Variants in MYO10 observed in about 807,000 individuals in gnomAD.
The protein encoded by MYO10 is unconventional myosin-X.
Under a neutral mutation model 257.3 loss-of-function variants are expected in MYO10, and 133 were observed. The observed-to-expected ratio is 0.52, with a 90% CI of 0.45 to 0.60. The LOEUF is 0.60. Ranked by LOEUF, MYO10 falls within the 20% of genes least tolerant of loss-of-function variation. The pLI, the probability that MYO10 is intolerant of heterozygous loss-of-function variation, is 0.00. For missense variants in MYO10, 2,399 were observed against 2,635.7 expected (o/e 0.91, Z 1.97); for synonymous variants, 1,104 against 1,028.6 (o/e 1.07, Z -1.40).
chr5:16,666,435 T>G lies in MYO10; in HGVS notation c.*257A>C, dbSNP rs140646712. The G allele has an allele frequency of 2.0e-3, 776 of 390,826 alleles. 6 individuals are homozygous for G. The highest frequency in any genetic ancestry group is 0.012 in the African/African-American group (586 of 48,070). The allele number at this position is 390,826 out of a possible 1,614,324, so 24.2% of individuals were successfully genotyped here. ...TTTGGTGGCAGCGTGGTTCCTCCCCTCCTTTTTTAAGGCATGTGTCCTCTA... is the reference window on the plus strand; with the variant it reads ...TTTGGTGGCAGCGTGGTTCCTCCCCGCCTTTTTTAAGGCATGTGTCCTCTA... On this transcript the variant is annotated 3_prime_UTR_variant, in exon 41 of 41. Transcript: ENST00000513610.
chr5:16,890,110 C>T (rs1382010855), intron 1 of MYO10, among the ~76,000 whole-genome samples: 2 of 151,830 alleles, frequency 1.3e-5, no homozygotes, highest in South Asian at 2.1e-4. Flanking sequence ...CTGTTTCATA[C>T]ATATTAATTA....
At position 16,670,894 on chromosome 5, in the gene MYO10, G is replaced by A; in HGVS notation, c.5515C>T (p.Gln1839Ter). 1 of 1,613,932 alleles carries A rather than the reference G, an allele frequency of 6.2e-7. No individual in the cohort carries two copies. The highest frequency in any genetic ancestry group is 8.5e-7 in the Non-Finnish European group (1 of 1,179,874). Residue 1839 changes from glutamine to a stop codon, truncating the protein, a stop_gained, in exon 39 of 41, where the codon CAG (glutamine) becomes TAG (stop). Transcript: ENST00000513610. LOFTEE classifies it high-confidence loss of function. ...VLAALRLQYL[Q>*]GDYTLHAAIP... ...GCAGCGTGCAGAGTATAATCCCCCT[G>A]CAGATACTGGAGTCGCAGGGCAGCA... is the stretch of plus-strand genomic sequence containing the variant.
rs1738013033 is a variant in MYO10 at position 16,700,873 on chromosome 5, C to T, written c.3432+90G>A. ...ACTCTGCAATCTTTGCACAGATATC[C>T]TACGGGTATCTTCATTCAACTTGAG... is the stretch of plus-strand genomic sequence containing the variant. On this transcript the variant is annotated intron_variant, in intron 25 of 40. Coordinates refer to ENST00000513610, the MANE Select transcript of MYO10 (RefSeq NM_012334.3). The T allele has an allele frequency of 2.9e-6, 4 of 1,387,090 alleles. No individual in the cohort carries two copies. The Admixed American group carries it at 1.0e-4, about 36-fold the overall frequency. 85.9% of individuals were successfully genotyped at this position (1,387,090 alleles called of 1,614,324 possible).
chr5:16,769,811 T>C (rs1281981830), intron 9 of MYO10, among the ~76,000 whole-genome samples: 1 of 152,176 alleles, frequency 6.6e-6, no homozygotes, highest in African/African-American at 2.4e-5. Context: ...GTCACAGTCA[T>C]GACAACAATA....
intron 26 of MYO10, among the ~76,000 whole-genome samples, chr5:16,698,986 C>T (rs1212167888): frequency 3.9e-5 from 6 of 152,126 alleles, no homozygotes; most frequent in African/African-American, 1.4e-4. Flanking sequence ...GCAACACACA[C>T]ATTGGTTTGT....
rs762004875 is a variant in MYO10 at position 16,680,061 on chromosome 5, C to T, written c.4428G>A (p.Arg1476=). 2.5e-6 allele frequency: 4 copies of T among 1,613,754 alleles called. No homozygotes were observed. In the Admixed American group the frequency reaches 6.7e-5, roughly 27 times the overall value. ...VTVYGRKHCY[R]LYTKLLNEAT... is the part of the protein sequence containing the mutation. ...CCTCGTTGAGCAGCTTGGTGTAGAG[C>T]CGGTAACAGTGCTTGCGCCCGTACA... The change falls in exon 33 of 41, where the codon CGG becomes CGA. Residue 1476 remains arginine (R), a synonymous_variant. Coordinates refer to ENST00000513610, the MANE Select transcript of MYO10 (RefSeq NM_012334.3).
At chr5:16,833,426 C>T (rs1438547276) in intron 2 of MYO10, among the ~76,000 whole-genome samples, 1 of 152,138 alleles carries the variant, frequency 6.6e-6, no homozygotes. Context: ...GTTGGCCAGG[C>T]TGGTCTCGAA....
At chr5:16,889,470 GA>G in intron 1 of MYO10, among the ~76,000 whole-genome samples, 1 of 137,198 alleles carries the variant, frequency 7.3e-6, no homozygotes, top group Non-Finnish European at 1.6e-5. Flanking sequence ...GGGAAGGGAA[GA>G]AAAGAAAGAA....
In MYO10 at chr5:16,665,932, G is replaced by A. The variant is rs1172189117; in HGVS notation, c.*760C>T. On this transcript the variant is annotated 3_prime_UTR_variant, in exon 41 of 41. Coordinates refer to ENST00000513610, the MANE Select transcript of MYO10 (RefSeq NM_012334.3). ...ATACAGCAAAGACAGGAAAATCCAGGATTTGGGTTTGTTAATAAAACCACC... is the reference window on the plus strand; with the variant it reads ...ATACAGCAAAGACAGGAAAATCCAGAATTTGGGTTTGTTAATAAAACCACC... 1 of 152,570 alleles carries A rather than the reference G, an allele frequency of 6.6e-6. No individual in the cohort carries two copies. The highest frequency in any genetic ancestry group is 1.5e-5 in the Non-Finnish European group (1 of 68,034). 9.5% of individuals were successfully genotyped at this position (152,570 alleles called of 1,614,324 possible). A position where few individuals can be genotyped will look rare whatever the true frequency, so the allele number is the denominator to read the frequency against.
intron 2 of MYO10, among the ~76,000 whole-genome samples, chr5:16,853,613 C>CATT (rs1743875415): frequency 6.6e-6 from 1 of 152,140 alleles, no homozygotes; most frequent in Non-Finnish European, 1.5e-5. Context: ...AAATCTCTGG[C>CATT]ATTACTCTTT....
chr5:16,808,356 G>A (rs749444525), intron 3 of MYO10, among the ~76,000 whole-genome samples: 3 of 152,076 alleles, frequency 2.0e-5, no homozygotes, highest in Non-Finnish European at 4.4e-5. Flanking sequence ...ACCCATAGTC[G>A]CAGCTACTTG....
intron 1 of MYO10, among the ~76,000 whole-genome samples, chr5:16,899,366 G>A (rs147976558): frequency 0.013 from 1,989 of 152,124 alleles, 21 homozygotes; most frequent in Non-Finnish European, 0.021. Context: ...TGGGCGCGAT[G>A]ACTCACGCCT....
chr5:16,685,412 A>G (rs372746280), intron 29 of MYO10, among the ~76,000 whole-genome samples: 13 of 152,024 alleles, frequency 8.6e-5, no homozygotes. Context: ...GTGTCTTGCT[A>G]TGTTTCTCAG....
At chr5:16,735,385 G>C (rs1561216689) in intron 19 of MYO10, among the ~76,000 whole-genome samples, 1 of 152,100 alleles carries the variant, frequency 6.6e-6, no homozygotes, top group Non-Finnish European at 1.5e-5. Context: ...GTGGGACCAG[G>C]CCACGGTGGT....
intron 1 of MYO10, among the ~76,000 whole-genome samples, chr5:16,917,570 C>G (rs557650721): frequency 2.0e-5 from 3 of 152,054 alleles, no homozygotes; most frequent in South Asian, 4.2e-4. Flanking sequence ...ACCAGTAACT[C>G]TAGCAGGACA....
chr5:16,755,720 CT>C (rs544255942), intron 18 of MYO10, among the ~76,000 whole-genome samples: 4,212 of 130,784 alleles, frequency 0.032, 164 homozygotes, highest in African/African-American at 0.097. Flanking sequence ...TCTTTTCCAA[CT>C]TTTTTTTTTT....
At chr5:16,681,614 G>T in intron 31 of MYO10, 111 bp from the exon 32 acceptor site, 2 of 1,230,700 alleles carry the variant, frequency 1.6e-6, no homozygotes, top group Non-Finnish European at 2.3e-6. Context: ...CTGTTTGCCA[G>T]AAAAAGACCA....
rs368741214 is a variant in MYO10 at position 16,704,623 on chromosome 5, G to A, written c.2232C>T (p.His744=). The change falls in exon 22 of 41, where the codon CAC becomes CAT. Residue 744 remains histidine, a synonymous_variant. Coordinates refer to ENST00000513610, the MANE Select transcript of MYO10 (RefSeq NM_012334.3). ...CATGGGCCCGAATCACCATGGCCGC[G>A]TGGCTCACTTCCTCTTCCCTCCGCT... ...LEKRREEEVS[H]AAMVIRAHVL... 68 of 1,613,828 alleles carry A rather than the reference G, an allele frequency of 4.2e-5. No homozygotes were observed. The highest frequency in any genetic ancestry group is 5.3e-5 in the Non-Finnish European group (63 of 1,179,898).
chr5:16,691,087 G>C (rs910758130), intron 27 of MYO10, among the ~76,000 whole-genome samples: 2 of 151,404 alleles, frequency 1.3e-5, no homozygotes, highest in African/African-American at 4.9e-5. Context: ...GGCTAACACG[G>C]TGAAACCCCA....
Sources: gnomAD v4.1 joint callset for allele counts (sites outside exome capture counted in the v4.1 genomes callset) on GRCh38, gnomAD v4.1.1 for gene constraint, MANE v1.5 for transcripts, NCBI Gene and HGNC (gene_info 2026-07-23, HGNC 2026-07-21) for gene names.